BBOF1: variants seen among roughly 807,000 people sequenced by gnomAD.
BBOF1 encodes the protein basal body-orientation factor 1.
In BBOF1, 62 loss-of-function variants were observed where a neutral mutation model predicts 68.0. The ratio of observed to expected loss-of-function variants is 0.91; its 90% confidence interval spans 0.74 to 1.13. The LOEUF (loss-of-function observed/expected upper bound fraction) is 1.13. Among genes scored for constraint, BBOF1 ranks in the 50% most tolerant of loss-of-function variants. BBOF1 has a pLI of 0.00. For missense variants in BBOF1, 534 were observed against 600.1 expected, an observed-to-expected ratio of 0.89 and a Z score of 1.15; for synonymous variants, 208 against 198.8, an observed-to-expected ratio of 1.05 and a Z score of -0.39.
At chr14:74,043,643 C>T (rs111783422) in intron 5 of BBOF1, among the ~76,000 whole-genome samples, 1 of 148,374 alleles carries the variant, frequency 6.7e-6, no homozygotes, top group African/African-American at 2.5e-5. Flanking sequence ...CGGCTCACTG[C>T]AACCTCTGCC....
intron 1 of BBOF1, among the ~76,000 whole-genome samples, chr14:74,020,136 A>C (rs945389208): frequency 2.0e-4 from 30 of 152,224 alleles, no homozygotes; most frequent in Non-Finnish European, 8.8e-5. Flanking sequence ...AAAAATAAAC[A>C]CTACTATATT....
At chr14:74,033,930 A>C (rs2059638351) in intron 3 of BBOF1, 98 bp from the exon 4 acceptor site, 1 of 735,850 alleles carries the variant, frequency 1.4e-6, no homozygotes, top group Non-Finnish European at 2.1e-6. Context: ...ATATTTCTTC[A>C]AAGAAGATAT....
intron 9 of BBOF1, 32 bp downstream of exon 9, chr14:74,055,717 G>C (rs1219752879): frequency 6.6e-7 from 1 of 1,504,218 alleles, no homozygotes; most frequent in Non-Finnish European, 9.2e-7. Context: ...GAAATACCAA[G>C]TTGTTATCAA....
chr14:74,034,031 C>A lies in BBOF1; in HGVS notation c.355C>A (p.Gln119Lys). Residue 119 changes from glutamine to lysine, a missense_variant, in exon 4 of 12, where the codon CAA (glutamine) becomes AAA (lysine). By Grantham distance (53) the Gln-to-Lys change is moderately conservative. Coordinates refer to ENST00000394009, the MANE Select transcript of BBOF1 (RefSeq NM_025057.3). ...KAQEEKDKLE[Q>K]KYTRQINELE... ...TTTACCTCTTTTTTGAATACAGGAACAAAAGTATACCAGGCAAATTAATGA... is the reference window on the plus strand; with the variant it reads ...TTTACCTCTTTTTTGAATACAGGAAAAAAAGTATACCAGGCAAATTAATGA... The A allele has an allele frequency of 6.3e-7, 1 of 1,587,938 alleles. No individual in the cohort carries two copies. The highest frequency in any genetic ancestry group is 8.5e-7 in the Non-Finnish European group (1 of 1,171,044).
chr14:74,080,324 A>G (rs928604438), intron 10 of BBOF1, among the ~76,000 whole-genome samples: 4 of 151,260 alleles, frequency 2.6e-5, no homozygotes, highest in African/African-American at 9.7e-5. Context: ...ACCTTCCATA[A>G]TAGCTTCCTA....
At chr14:74,074,937 T>C in intron 9 of BBOF1, 2 of 1,612,788 alleles carry the variant, frequency 1.2e-6, no homozygotes, top group African/African-American at 2.7e-5. Flanking sequence ...AGTCAACCTC[T>C]ATGCCAAATA....
chr14:74,042,863 TACACACACACACACAGACAC>T (rs2059854648), intron 5 of BBOF1, among the ~76,000 whole-genome samples: 2 of 120,598 alleles, frequency 1.7e-5, no homozygotes, highest in South Asian at 6.1e-4. Context: ...CTCTCTCTTA[TACACACACACACACAGACAC>T]ACACACACAC....
Position 74,050,029 on chromosome 14 carries a change from A to T in BBOF1, c.1120A>T (p.Ile374Phe), listed in dbSNP as rs1243191878. ...TGCTCTGCACCAAGTGAAGCAACAG[A>T]TCCTAATTAGCAGGAAGCATTATAA... ...LDALHQVKQQ[I>F]LISRKHYKQI... The change falls in exon 8 of 12, where the codon ATC (isoleucine) becomes TTC (phenylalanine). Residue 374 changes from isoleucine to phenylalanine, a missense_variant. Physicochemically the swap from Ile to Phe is conservative, Grantham distance 21 (BLOSUM62 0). Transcript: ENST00000394009. 6.2e-7 allele frequency: 1 copy of T among 1,614,150 alleles called. No homozygotes were observed. The highest frequency in any genetic ancestry group is 8.5e-7 in the Non-Finnish European group (1 of 1,180,042).
At chr14:74,048,211 T>A (rs1243363376) in intron 7 of BBOF1, 137 bp downstream of exon 7, 8 of 742,428 alleles carry the variant, frequency 1.1e-5, no homozygotes, top group South Asian at 4.5e-5. Context: ...GCACTTTTTT[T>A]ATCTGAAAAG....
chr14:74,054,172 A>G (rs186125155), intron 8 of BBOF1, among the ~76,000 whole-genome samples: 105 of 151,818 alleles, frequency 6.9e-4, no homozygotes, highest in African/African-American at 2.2e-3. Flanking sequence ...CACTGCGCGC[A>G]GCCTAATTTT....
At chr14:74,060,381 G>C in intron 11 of BBOF1, 1 of 437,696 alleles carries the variant, frequency 2.3e-6, no homozygotes, top group South Asian at 2.4e-5. Context: ...TCAGGTTTAA[G>C]CACTACTTTC....
chr14:74,072,621 ACAAAC>A lies in BBOF1; in HGVS notation n.1380-5574_1380-5570del, dbSNP rs750324040. 49 of 1,540,910 alleles carry A rather than the reference ACAAAC, an allele frequency of 3.2e-5. No individual in the cohort carries two copies. The highest frequency in any genetic ancestry group is 3.8e-5 in the Non-Finnish European group (44 of 1,147,012). ...AGAGCTTTACAGTTGGCTGAAAAAA[ACAAAC>A]AAACAAACAAACAAACAAAAACATG... On this transcript the variant is annotated intron_variant and non_coding_transcript_variant, in intron 9 of 12. Coordinates refer to the BBOF1 transcript ENST00000492026.
intron 3 of BBOF1, among the ~76,000 whole-genome samples, chr14:74,029,845 TC>T (rs2059525014): frequency 6.6e-6 from 1 of 152,084 alleles, no homozygotes; most frequent in African/African-American, 2.4e-5. Context: ...TTAAAATAGA[TC>T]ATGACTCTAT....
At chr14:74,041,159 C>T (rs370931270) in intron 5 of BBOF1, among the ~76,000 whole-genome samples, 2 of 152,166 alleles carry the variant, frequency 1.3e-5, no homozygotes, top group Non-Finnish European at 1.5e-5. Flanking sequence ...AAAAATCAGC[C>T]GGGCATGGTG....
downstream of BBOF1, chr14:74,069,292 C>A (rs62005117): frequency 0.11 from 38,185 of 347,248 alleles, 2,362 homozygotes; most frequent in South Asian, 0.18. Context: ...TTAGTAGACA[C>A]GGGGTTTCAC....
downstream of BBOF1, chr14:74,068,845 G>T: frequency 6.2e-7 from 1 of 1,613,618 alleles, no homozygotes; most frequent in Non-Finnish European, 8.5e-7. Context: ...GGAGAAAAAA[G>T]GAATAAGAAG....
chr14:74,026,454 A>G (rs1334919206), intron 2 of BBOF1, among the ~76,000 whole-genome samples: 1 of 150,944 alleles, frequency 6.6e-6, no homozygotes, highest in Non-Finnish European at 1.5e-5. Flanking sequence ...CAAAAAAAAA[A>G]AAAAAAAAAA....
chr14:74,075,144 T>TC, intron 9 of BBOF1: 1 of 780,410 alleles, frequency 1.3e-6, no homozygotes, highest in Non-Finnish European at 2.2e-6. Flanking sequence ...GGCCATACAG[T>TC]CATTAAAGAG....
chr14:74,046,244 A>C, intron 6 of BBOF1, 114 bp downstream of exon 6: 1 of 880,466 alleles, frequency 1.1e-6, no homozygotes, highest in Non-Finnish European at 1.7e-6. Context: ...CTTGCTTCAA[A>C]TTTTCTGGTC....
Sources: gnomAD v4.1 joint callset for allele counts (sites outside exome capture counted in the v4.1 genomes callset) on GRCh38, gnomAD v4.1.1 for gene constraint, MANE v1.5 for transcripts, NCBI Gene and HGNC (gene_info 2026-07-23, HGNC 2026-07-21) for gene names.